The following EIF4G3 variants were observed in gnomAD, a reference collection of about 807,000 sequenced individuals.
EIF4G3 encodes eukaryotic translation initiation factor 4 gamma 3.
A neutral mutation model predicts 186.4 loss-of-function variants in EIF4G3; 34 were observed. That is an observed-to-expected ratio of 0.18 (90% CI 0.14 to 0.24). The LOEUF (loss-of-function observed/expected upper bound fraction) is 0.24, where lower values mean the gene tolerates loss of function less well. Among genes scored for constraint, EIF4G3 ranks in the 10% least tolerant of loss-of-function variants. The pLI is 1.00. For synonymous variants in EIF4G3, 673 were observed against 679.5 expected (o/e 0.99, Z 0.15); for missense variants, 1,536 against 1,948.5 (o/e 0.79, Z 3.99).
At position 20,917,437 on chromosome 1, in the gene EIF4G3, G is replaced by C. The variant is rs372455039; in HGVS notation, c.1664-12466C>G. Among the ~76,000 whole-genome samples the C allele has an allele frequency of 2.6e-5, 4 of 152,216 alleles. No individual in the cohort carries two copies. The East Asian group carries it at 5.8e-4, about 22-fold the overall frequency. ...CAGGAGGATGTGTTGAACCTGGGAG[G>C]TCAAGGCTGCAGTGGGCTGTGATCG... On this transcript the variant is annotated intron_variant, in intron 14 of 36. Transcript: ENST00000602326.
chr1:20,876,526 A>G (rs1449461591), intron 20 of EIF4G3, among the ~76,000 whole-genome samples: 1 of 151,770 alleles, frequency 6.6e-6, no homozygotes, highest in African/African-American at 2.4e-5. Context: ...ATACATACTC[A>G]TATTTTCATG....
At chr1:21,006,997 G>A (rs1316474923) in intron 4 of EIF4G3, among the ~76,000 whole-genome samples, 1 of 152,116 alleles carries the variant, frequency 6.6e-6, no homozygotes, top group African/African-American at 2.4e-5. Flanking sequence ...TTAAGATTCT[G>A]CCATCACCTA....
intron 4 of EIF4G3, among the ~76,000 whole-genome samples, chr1:21,006,514 C>T (rs1477316810): frequency 2.6e-5 from 4 of 152,196 alleles, no homozygotes; most frequent in African/African-American, 9.7e-5. Context: ...CATCTGTTCT[C>T]ACTTTCATTA....
chr1:20,991,694 A>G (rs2081162478), intron 7 of EIF4G3, among the ~76,000 whole-genome samples: 1 of 152,224 alleles, frequency 6.6e-6, no homozygotes, highest in Admixed American at 6.5e-5. Flanking sequence ...CATTTTCATC[A>G]TCACAGAAAT....
intron 3 of EIF4G3, among the ~76,000 whole-genome samples, chr1:21,055,435 T>TA (rs968352012): frequency 6.6e-6 from 1 of 152,066 alleles, no homozygotes. Context: ...ATACTATTGA[T>TA]AAAAAATATT....
chr1:20,928,668 G>C (rs2095101637), intron 14 of EIF4G3, among the ~76,000 whole-genome samples: 5 of 151,962 alleles, frequency 3.3e-5, no homozygotes, highest in Admixed American at 3.3e-4. Flanking sequence ...CAAAGTGCTG[G>C]GATTACAGAT....
intron 15 of EIF4G3, 38 bp from the exon 16 acceptor site, chr1:20,899,981 C>T (rs763042137): frequency 2.5e-6 from 4 of 1,578,590 alleles, no homozygotes; most frequent in Admixed American, 3.7e-5. Flanking sequence ...CATTTTTTTC[C>T]ACGGGTGTAA....
chr1:20,927,954 C>A (rs1323722849), intron 14 of EIF4G3, among the ~76,000 whole-genome samples: 1 of 151,966 alleles, frequency 6.6e-6, no homozygotes, highest in Non-Finnish European at 1.5e-5. Flanking sequence ...ATCTCAAAGG[C>A]TCAAGCAATC....
At chr1:21,109,776 A>G (rs937195713) in intron 2 of EIF4G3, among the ~76,000 whole-genome samples, 3 of 152,106 alleles carry the variant, frequency 2.0e-5, no homozygotes, top group Admixed American at 2.0e-4. Context: ...CCATTTCAAC[A>G]GAGACTGTAA....
chr1:21,171,966 T>A (rs1014618773), intron 2 of EIF4G3, among the ~76,000 whole-genome samples: 12 of 152,086 alleles, frequency 7.9e-5, no homozygotes, highest in African/African-American at 2.4e-4. Context: ...TATTACGAGA[T>A]GCACTGGGAA....
chr1:20,962,901 T>C (rs1433828430), intron 12 of EIF4G3, among the ~76,000 whole-genome samples: 4 of 138,722 alleles, frequency 2.9e-5, no homozygotes, highest in African/African-American at 5.4e-5. Context: ...TTGCCTCTTG[T>C]AGTTTTGTTT....
intron 2 of EIF4G3, among the ~76,000 whole-genome samples, chr1:21,145,056 C>A (rs1002423628): frequency 1.3e-5 from 2 of 151,874 alleles, no homozygotes; most frequent in African/African-American, 4.8e-5. Context: ...GGTGGGAGGA[C>A]TGCTTGAGGC....
chr1:20,914,787 A>G (rs996390842), intron 14 of EIF4G3, among the ~76,000 whole-genome samples: 54 of 152,314 alleles, frequency 3.5e-4, no homozygotes, highest in Middle Eastern at 3.4e-3. Flanking sequence ...TATTTTTCTC[A>G]CTGATTTCCA....
At chr1:20,900,066 G>T in intron 15 of EIF4G3, 123 bp from the exon 16 acceptor site, 1 of 1,005,114 alleles carries the variant, frequency 9.9e-7, no homozygotes. Context: ...GAATGTCTGT[G>T]TTCAGCATGT....
chr1:21,128,371 G>C (rs995727014), intron 2 of EIF4G3, among the ~76,000 whole-genome samples: 3 of 151,642 alleles, frequency 2.0e-5, no homozygotes, highest in African/African-American at 7.3e-5. Context: ...TTAGCCAGGT[G>C]TAGTGGCGGG....
At chr1:21,120,017 TATG>T (rs2096899150) in intron 2 of EIF4G3, among the ~76,000 whole-genome samples, 1 of 151,812 alleles carries the variant, frequency 6.6e-6, no homozygotes, top group African/African-American at 2.4e-5. Context: ...TATGAAAACA[TATG>T]ATGAAGACTG....
chr1:20,919,493 C>T (rs2094287289), intron 14 of EIF4G3, among the ~76,000 whole-genome samples: 1 of 152,164 alleles, frequency 6.6e-6, no homozygotes, highest in African/African-American at 2.4e-5. Flanking sequence ...GTGTGAGCCA[C>T]CAAGCCTGAC....
At chr1:21,047,975 A>G (rs1187008235) in intron 4 of EIF4G3, among the ~76,000 whole-genome samples, 5 of 152,210 alleles carry the variant, frequency 3.3e-5, no homozygotes, top group Admixed American at 3.3e-4. Flanking sequence ...GGTGTGATTT[A>G]CTGGGTTCAT....
At chr1:21,125,536 C>T (rs942142100) in intron 2 of EIF4G3, among the ~76,000 whole-genome samples, 8 of 151,244 alleles carry the variant, frequency 5.3e-5, no homozygotes, top group African/African-American at 1.2e-4. Context: ...CTGGCCAACA[C>T]GGTGAAACCC....
Sources: gnomAD v4.1 joint callset for allele counts (sites outside exome capture counted in the v4.1 genomes callset) on GRCh38, gnomAD v4.1.1 for gene constraint, MANE v1.5 for transcripts, NCBI Gene and HGNC (gene_info 2026-07-23, HGNC 2026-07-21) for gene names.